SYTL1: variants seen among roughly 807,000 people sequenced by gnomAD.
SYTL1 encodes synaptotagmin like 1, also known as synaptotagmin-like protein 1.
A neutral mutation model predicts 74.6 loss-of-function variants in SYTL1; 53 were observed. The ratio of observed to expected loss-of-function variants is 0.71; its 90% CI spans 0.57 to 0.89. SYTL1 has a LOEUF of 0.89. Ranked by LOEUF, SYTL1 falls within the 40% of genes least tolerant of loss-of-function variation. The pLI, the probability that SYTL1 is intolerant of heterozygous loss-of-function variation, is 0.00. For synonymous variants in SYTL1, 329 were observed against 324.9 expected, an observed-to-expected ratio of 1.01 and a Z score of -0.14; for missense variants, 728 against 768.7, an observed-to-expected ratio of 0.95 and a Z score of 0.63.
rs1184809122 is a variant in SYTL1, at chr1:27,342,409, G to C, written c.-39+259G>C. The C allele has an allele frequency of 6.8e-6, 6 of 881,744 alleles. No individual in the cohort carries two copies. Among genetic ancestry groups the C allele is most frequent in the African/African-American group, 1.8e-5 (1 of 55,248 alleles). The allele number at this position is 881,744 out of a possible 1,614,324, so 54.6% of individuals were successfully genotyped here. A position where few individuals can be genotyped will look rare whatever the true frequency, so the allele number is the denominator to read the frequency against. ...CTGGTTGGTAGGAGAGGGGACTTCA[G>C]GGAGGGGGCACTGCTGAGGACGCTG... On this transcript the variant is annotated intron_variant, in intron 1 of 14. Coordinates refer to ENST00000616558, the MANE Select transcript of SYTL1 (RefSeq NM_001193308.2). This position sits in a 1 kb window ranked among gnomAD's most constrained non-coding sequence, Gnocchi z 4.7.
Position 27,347,373 on chromosome 1 carries a change from A to T in SYTL1, c.192-48A>T. ...CCTGTTAACAATGTAGGTGGCGGGA[A>T]TGTTGCTTGGGTGAGTCATGACAGC... On this transcript the variant is annotated intron_variant, in intron 2 of 14. Transcript: ENST00000616558. The surrounding 1 kb of genome is among the most constrained non-coding windows in gnomAD (Gnocchi z 4.9). 1 of 1,612,536 alleles carries T rather than the reference A, an allele frequency of 6.2e-7. No homozygotes were observed. The highest frequency in any genetic ancestry group is 1.3e-5 in the African/African-American group (1 of 74,984).
rs1475205260 is a variant in SYTL1, at chr1:27,342,430, C to T, written c.-39+280C>T. On this transcript the variant is annotated intron_variant, in intron 1 of 14. Coordinates refer to ENST00000616558, the MANE Select transcript of SYTL1 (RefSeq NM_001193308.2). This position sits in a 1 kb window ranked among gnomAD's most constrained non-coding sequence, Gnocchi z 4.7. Reference sequence around the variant, plus strand: ...TTCAGGGAGGGGGCACTGCTGAGGACGCTGGGCTGATGCCCATGGCCCAGC... The same window carrying T: ...TTCAGGGAGGGGGCACTGCTGAGGATGCTGGGCTGATGCCCATGGCCCAGC... The T allele has an allele frequency of 5.6e-6, 4 of 713,418 alleles. No homozygotes were observed. The highest frequency in any genetic ancestry group is 6.9e-4 in the Middle Eastern group (1 of 1,442). The allele number at this position is 713,418 out of a possible 1,614,324, so 44.2% of individuals were successfully genotyped here.
In SYTL1 at chr1:27,343,671, G is replaced by C. The variant is rs887737625; in HGVS notation, c.-39+1521G>C. ...ATGTGTGCATTCCCATGTGTGTGCA[G>C]GCATATTTCTGCATTTAATTAATCA... On this transcript the variant is annotated intron_variant, in intron 1 of 14. Coordinates refer to ENST00000616558, the MANE Select transcript of SYTL1 (RefSeq NM_001193308.2). This position sits in a 1 kb window ranked among gnomAD's most constrained non-coding sequence, Gnocchi z 5.2. Among the ~76,000 whole-genome samples the C allele has an allele frequency of 6.6e-6, 1 of 152,054 alleles. No homozygotes were observed. The highest frequency in any genetic ancestry group is 2.4e-5 in the African/African-American group (1 of 41,410).
In SYTL1 at chr1:27,342,296, C is replaced by T; in HGVS notation, c.-39+146C>T. On this transcript the variant is annotated intron_variant, in intron 1 of 14. Transcript: ENST00000616558. This position sits in a 1 kb window ranked among gnomAD's most constrained non-coding sequence, Gnocchi z 4.7. ...GGAACAGCTGGACAGATGGACAGAC[C>T]CTCCTCTTGACCAATGGGTCTGTCC... The T allele has an allele frequency of 1.0e-6, 1 of 983,454 alleles. No individual in the cohort carries two copies. Among genetic ancestry groups the T allele is most frequent in the Non-Finnish European group, 1.2e-6 (1 of 828,128 alleles). 60.9% of individuals were successfully genotyped at this position (983,454 alleles called of 1,614,324 possible).
chr1:27,350,787 T>C lies in SYTL1; in HGVS notation c.1006-7T>C. ...GTGCTCCACTAAAGCTCACCTCCTG[T>C]CCTCAGTACTCCGTCCCGCAGGCCG... On this transcript the variant is annotated splice_polypyrimidine_tract_variant and splice_region_variant and intron_variant, in intron 10 of 14. Coordinates refer to ENST00000616558, the MANE Select transcript of SYTL1 (RefSeq NM_001193308.2). The surrounding 1 kb of genome is among the most constrained non-coding windows in gnomAD (Gnocchi z 6.3). The C allele has an allele frequency of 6.2e-7, 1 of 1,613,624 alleles. No homozygotes were observed. Among genetic ancestry groups the C allele is most frequent in the Non-Finnish European group, 8.5e-7 (1 of 1,179,932 alleles).
chr1:27,349,212 A>AG lies in SYTL1; in HGVS notation c.532+64dup, dbSNP rs942879942. The AG allele has an allele frequency of 2.5e-6, 4 of 1,570,452 alleles. No individual in the cohort carries two copies. The African/African-American group carries it at 5.4e-5, about 21-fold the overall frequency. ...GTTTCGCGGGTCAGAGGCAGCTCTA[A>AG]GGGGCCCCAACCACCTGTGTTCACC... On this transcript the variant is annotated intron_variant, in intron 6 of 14. Coordinates refer to ENST00000616558, the MANE Select transcript of SYTL1 (RefSeq NM_001193308.2).
At chr1:27,353,607 A>G (rs892470001) in intron 14 of SYTL1, 106 bp from the exon 15 acceptor site, 34 of 1,550,024 alleles carry the variant, frequency 2.2e-5, no homozygotes, top group Admixed American at 3.5e-5. Flanking sequence ...CTGAGAACTG[A>G]GGGTGGTAAC....
chr1:27,351,479 G>A lies in SYTL1; in HGVS notation c.1267G>A (p.Glu423Lys). The change falls in exon 13 of 15, where the codon GAG (glutamate) becomes AAG (lysine). Residue 423 changes from glutamate (E) to lysine (K), a missense_variant. Physicochemically the swap from Glu to Lys is moderately conservative, Grantham distance 56 (BLOSUM62 1). Transcript: ENST00000616558. The surrounding 1 kb of genome is among the most constrained non-coding windows in gnomAD (Gnocchi z 5.0). ...AGGCGCAGGACTGCCCCCGAGCGGGGAGCTGCACTTCTGGGTGAAGGAGGC... is the reference window on the plus strand; with the variant it reads ...AGGCGCAGGACTGCCCCCGAGCGGGAAGCTGCACTTCTGGGTGAAGGAGGC... ...SEGAGLPPSG[E>K]LHFWVKEARD... is the part of the protein sequence containing the mutation. The A allele has an allele frequency of 1.3e-6, 2 of 1,547,520 alleles. No individual in the cohort carries two copies. Among genetic ancestry groups the A allele is most frequent in the South Asian group, 1.2e-5 (1 of 83,656 alleles).
chr1:27,349,777 G>C lies in SYTL1; in HGVS notation c.747+12G>C. The C allele has an allele frequency of 2.5e-6, 4 of 1,589,134 alleles. No homozygotes were observed. Among genetic ancestry groups the C allele is most frequent in the Non-Finnish European group, 3.4e-6 (4 of 1,173,940 alleles). ...TTAACTCCTCCACGGTGAGGCGGGA[G>C]GGAGGGGACCCGGGCGGCCGGGGGG... On this transcript the variant is annotated intron_variant, in intron 8 of 14. Transcript: ENST00000616558.
chr1:27,351,192 C>CA lies in SYTL1; in HGVS notation c.1165-65dup. ...TCTAGCCGCACCCCATCCGGGTCTG[C>CA]AGACCCCACCCTCCTGAGGCCCCTT... On this transcript the variant is annotated intron_variant, in intron 11 of 14. Coordinates refer to ENST00000616558, the MANE Select transcript of SYTL1 (RefSeq NM_001193308.2). This position sits in a 1 kb window ranked among gnomAD's most constrained non-coding sequence, Gnocchi z 5.0. The CA allele has an allele frequency of 6.6e-7, 1 of 1,525,518 alleles. No individual in the cohort carries two copies. The highest frequency in any genetic ancestry group is 8.9e-7 in the Non-Finnish European group (1 of 1,129,014). The allele number at this position is 1,525,518 out of a possible 1,614,324, so 94.5% of individuals were successfully genotyped here. A position where few individuals can be genotyped will look rare whatever the true frequency, so the allele number is the denominator to read the frequency against.
In SYTL1 at chr1:27,350,333, G is replaced by A. The variant is rs1362131998; in HGVS notation, c.909-56G>A. ...GGATGGTGGCTGGGGGAGCCCACAG[G>A]CAGGGGAGAAGGCTCTGGGAGGGCC... On this transcript the variant is annotated intron_variant, in intron 9 of 14. Transcript: ENST00000616558. The surrounding 1 kb of genome is among the most constrained non-coding windows in gnomAD (Gnocchi z 6.3). The A allele has an allele frequency of 1.3e-6, 2 of 1,544,614 alleles. No homozygotes were observed. Among genetic ancestry groups the A allele is most frequent in the African/African-American group, 1.4e-5 (1 of 73,710 alleles).
rs2015113003 is a variant in SYTL1 at position 27,348,870 on chromosome 1, G to A, written c.460-210G>A. Among the ~76,000 whole-genome samples the A allele has an allele frequency of 2.0e-5, 3 of 152,236 alleles. No homozygotes were observed. The highest frequency in any genetic ancestry group is 1.5e-5 in the Non-Finnish European group (1 of 68,038). On this transcript the variant is annotated intron_variant, in intron 5 of 14. Transcript: ENST00000616558. The surrounding 1 kb of genome is among the most constrained non-coding windows in gnomAD (Gnocchi z 4.1). ...ACGAATGACCCCACCAATGGGAGTA[G>A]GGAGTCAGGCGGCACAAGCCCTGCG...
Position 27,348,141 on chromosome 1 carries a change from C to A in SYTL1, c.459+129C>A. On this transcript the variant is annotated intron_variant, in intron 5 of 14. Transcript: ENST00000616558. The surrounding 1 kb of genome is among the most constrained non-coding windows in gnomAD (Gnocchi z 4.1). ...GGAAATGTTCCTTCCTGTGTCTGCA[C>A]CTCATCACCTCCTGGGTGGAACAGT... The A allele has an allele frequency of 2.4e-6, 2 of 848,474 alleles. No homozygotes were observed. The highest frequency in any genetic ancestry group is 3.0e-5 in the South Asian group (2 of 67,760). The allele number at this position is 848,474 out of a possible 1,614,324, so 52.6% of individuals were successfully genotyped here.
At position 27,351,658 on chromosome 1, in the gene SYTL1, C is replaced by G. The variant is rs2015284542; in HGVS notation, c.1343+103C>G. On this transcript the variant is annotated intron_variant, in intron 13 of 14. Coordinates refer to ENST00000616558, the MANE Select transcript of SYTL1 (RefSeq NM_001193308.2). This position sits in a 1 kb window ranked among gnomAD's most constrained non-coding sequence, Gnocchi z 5.0. ...TCAACCTTTGATCACGCAGCCTGGGCTTTCACCACTGAGCAGGGGTGAAGG... is the reference window on the plus strand; with the variant it reads ...TCAACCTTTGATCACGCAGCCTGGGGTTTCACCACTGAGCAGGGGTGAAGG... 2 of 753,608 alleles carry G rather than the reference C, an allele frequency of 2.7e-6. No individual in the cohort carries two copies. Among genetic ancestry groups the G allele is most frequent in the East Asian group, 5.8e-5 (2 of 34,698 alleles). The allele number at this position is 753,608 out of a possible 1,614,324, so 46.7% of individuals were successfully genotyped here. A position where few individuals can be genotyped will look rare whatever the true frequency, so the allele number is the denominator to read the frequency against.
chr1:27,352,129 C>G (rs901787555), intron 13 of SYTL1: 4 of 152,152 alleles, frequency 2.6e-5, no homozygotes, highest in African/African-American at 7.2e-5. Flanking sequence ...CACCTGAGGT[C>G]AGGAGTTTGA....
rs967171317 is a variant in SYTL1 at position 27,351,286 on chromosome 1, G to A, written c.1193G>A (p.Ser398Asn). ...RVPPSPDDLPSRGLLALSLKY... is the reference protein window; with the variant it reads ...RVPPSPDDLPNRGLLALSLKY... ...CCACCCTCTCCCGACGACCTTCCGA[G>A]CCGCGGGTTACTCGCCCTGTCCCTC... The change falls in exon 12 of 15, where the codon AGC (serine) becomes AAC (asparagine). Residue 398 changes from serine (S) to asparagine (N), a missense_variant. Transcript: ENST00000616558. The surrounding 1 kb of genome is among the most constrained non-coding windows in gnomAD (Gnocchi z 5.0). 5 of 1,561,780 alleles carry A rather than the reference G, an allele frequency of 3.2e-6. No individual in the cohort carries two copies. In the African/African-American group the frequency reaches 6.8e-5, roughly 21 times the overall value.
At chr1:27,346,995 G>A (rs1486198596) in intron 2 of SYTL1, among the ~76,000 whole-genome samples, 1 of 151,870 alleles carries the variant, frequency 6.6e-6, no homozygotes, top group Admixed American at 6.6e-5. Flanking sequence ...GGTGGCACAC[G>A]CCTGTAGTCC....
chr1:27,350,861 T>A lies in SYTL1; in HGVS notation c.1073T>A (p.Leu358Gln). Residue 358 changes from leucine (L) to glutamine (Q), a missense_variant, in exon 11 of 15, where the codon CTG (leucine) becomes CAG (glutamine). Physicochemically the swap from Leu to Gln is moderately radical, Grantham distance 113 (BLOSUM62 -2). Transcript: ENST00000616558. This position sits in a 1 kb window ranked among gnomAD's most constrained non-coding sequence, Gnocchi z 6.3. ...LSLSVWHRES[L>Q]GRNIFLGEVE... The stretch of plus-strand genomic sequence containing the variant: ...CTGTCTGTGTGGCACCGCGAAAGCC[T>A]GGGTCGCAACATCTTTCTGGGCGAA... The A allele has an allele frequency of 1.9e-6, 3 of 1,613,812 alleles. No individual in the cohort carries two copies. The highest frequency in any genetic ancestry group is 2.5e-6 in the Non-Finnish European group (3 of 1,180,004).
Position 27,342,444 on chromosome 1 carries a change from C to T in SYTL1, c.-39+294C>T. 3.5e-6 allele frequency: 2 copies of T among 573,670 alleles called. No individual in the cohort carries two copies. Among genetic ancestry groups the T allele is most frequent in the Non-Finnish European group, 4.4e-6 (2 of 454,002 alleles). The allele number at this position is 573,670 out of a possible 1,614,324, so 35.5% of individuals were successfully genotyped here. On this transcript the variant is annotated intron_variant, in intron 1 of 14. Transcript: ENST00000616558. The surrounding 1 kb of genome is among the most constrained non-coding windows in gnomAD (Gnocchi z 4.7). ...ACTGCTGAGGACGCTGGGCTGATGC[C>T]CATGGCCCAGCTCAGGCAGGCCTGA...
Sources: allele counts gnomAD v4.1 joint callset (sites outside exome capture counted in the v4.1 genomes callset), GRCh38; gene constraint gnomAD v4.1.1; non-coding constraint Gnocchi (gnomAD v3.1); transcripts MANE v1.5; gene names NCBI Gene and HGNC (gene_info 2026-07-23, HGNC 2026-07-21).